Variants in C10orf67 observed in about 807,000 individuals in gnomAD.
The protein encoded by C10orf67 is uncharacterized protein C10orf67, mitochondrial.
In C10orf67, 60 loss-of-function variants were observed where a neutral mutation model predicts 35.6. The observed-to-expected ratio is 1.68, with a 90% confidence interval of 1.37 to 2.09. The LOEUF (loss-of-function observed/expected upper bound fraction) is 2.09. Ranked by LOEUF, C10orf67 falls within the 30% of genes most tolerant of loss-of-function variation. The probability of loss-of-function intolerance (pLI) is 0.00; values close to 1 mark genes in which losing one functional copy is unlikely to be tolerated. For synonymous variants in C10orf67, 167 were observed against 115.8 expected, an observed-to-expected ratio of 1.44 and a Z score of -2.84; for missense variants, 474 against 330.2, an observed-to-expected ratio of 1.44 and a Z score of -3.38.
chr10:23,230,413 AAAG>A (rs1380365196), intron 13 of C10orf67, among the ~76,000 whole-genome samples: 1 of 152,164 alleles, frequency 6.6e-6, no homozygotes. Flanking sequence ...AACTCTTTTT[AAAG>A]AAGGCAGAAA....
intron 2 of C10orf67, among the ~76,000 whole-genome samples, chr10:23,323,804 T>C (rs1845051505): frequency 6.9e-6 from 1 of 145,922 alleles, no homozygotes; most frequent in African/African-American, 2.5e-5. Context: ...CCCAGCCACT[T>C]GGGAGCTTGA....
chr10:23,295,112 T>G (rs1234470548), intron 5 of C10orf67, among the ~76,000 whole-genome samples: 1 of 152,180 alleles, frequency 6.6e-6, no homozygotes. Flanking sequence ...GAGAAATCCA[T>G]ACACCCCGTT....
At chr10:23,238,020 T>C (rs1842091825) in intron 13 of C10orf67, among the ~76,000 whole-genome samples, 1 of 152,254 alleles carries the variant, frequency 6.6e-6, no homozygotes, top group Non-Finnish European at 1.5e-5. Context: ...TTAATGCCTA[T>C]CTTTTTCACA....
intron 10 of C10orf67, among the ~76,000 whole-genome samples, chr10:23,253,453 T>C (rs1176360405): frequency 6.6e-6 from 1 of 152,060 alleles, no homozygotes; most frequent in Non-Finnish European, 1.5e-5. Context: ...TTAACAGTAG[T>C]CCAAGGAAAT....
chr10:23,317,641 G>C (rs1844780308), intron 4 of C10orf67: 1 of 152,150 alleles, frequency 6.6e-6, no homozygotes, highest in Non-Finnish European at 1.5e-5. Flanking sequence ...TTGCATAACT[G>C]TTTACATAGA....
intron 4 of C10orf67, among the ~76,000 whole-genome samples, chr10:23,306,894 G>T (rs1844305610): frequency 6.6e-6 from 1 of 152,150 alleles, no homozygotes; most frequent in Non-Finnish European, 1.5e-5. Flanking sequence ...CTGGAAAAAG[G>T]TAATAATAGT....
In C10orf67 at chr10:23,300,570, G is replaced by T. The variant is rs146616221; in HGVS notation, c.702+2734C>A. Reference sequence around the variant, plus strand: ...CTTTAAGATCAGTTGGACTTCAACAGAGTCAGGTGATAGAGAGGTATGCTT... The same window carrying T: ...CTTTAAGATCAGTTGGACTTCAACATAGTCAGGTGATAGAGAGGTATGCTT... On this transcript the variant is annotated intron_variant, in intron 5 of 15. Coordinates refer to ENST00000636213, the MANE Select transcript of C10orf67 (RefSeq NM_001371909.1). Among the ~76,000 whole-genome samples, 242 of 152,318 alleles carry T rather than the reference G, an allele frequency of 1.6e-3. 1 individual carries two copies. Among genetic ancestry groups the T allele is most frequent in the Non-Finnish European group, 2.1e-3 (146 of 68,024 alleles).
At chr10:23,235,066 A>T (rs994637477) in intron 13 of C10orf67, among the ~76,000 whole-genome samples, 1 of 151,692 alleles carries the variant, frequency 6.6e-6, no homozygotes. Flanking sequence ...AAGGATTTAC[A>T]TTACCTGATT....
At position 23,284,544 on chromosome 10, in the gene C10orf67, T is replaced by A. The variant is rs11013366; in HGVS notation, c.910-2466A>T. ...CAAAAAAAAAAAATTAAAAAAAAAA[T>A]TTAGCCATGTGTGGTGCATGCCTGT... On this transcript the variant is annotated intron_variant, in intron 7 of 15. Transcript: ENST00000636213. Among the ~76,000 whole-genome samples the A allele has an allele frequency of 3.8e-4, 58 of 150,744 alleles. No homozygotes were observed. The East Asian group carries it at 9.3e-3, about 24-fold the overall frequency.
At chr10:23,222,995 G>T (rs776864602) in intron 15 of C10orf67, among the ~76,000 whole-genome samples, 3 of 152,092 alleles carry the variant, frequency 2.0e-5, no homozygotes, top group Non-Finnish European at 1.5e-5. Context: ...GAATTTAACA[G>T]GAGCTTCAGG....
intron 4 of C10orf67, among the ~76,000 whole-genome samples, chr10:23,308,730 A>G (rs1378357893): frequency 1.3e-5 from 2 of 152,190 alleles, no homozygotes; most frequent in African/African-American, 4.8e-5. Flanking sequence ...CGAGTGTCTC[A>G]GTGTTATCAT....
At chr10:23,268,981 C>A (rs1289907850) in intron 8 of C10orf67, among the ~76,000 whole-genome samples, 4 of 152,260 alleles carry the variant, frequency 2.6e-5, no homozygotes, top group African/African-American at 9.6e-5. Context: ...CTGTTGTTGA[C>A]CAAAATGTCA....
chr10:23,293,376 CAGCAATGAGGACACTCATTA>C (rs747285800), intron 5 of C10orf67, among the ~76,000 whole-genome samples: 65 of 152,208 alleles, frequency 4.3e-4, no homozygotes, highest in Non-Finnish European at 8.2e-4. Flanking sequence ...CAGACGCCCA[CAGCAATGAGGACACTCATTA>C]GCAAAATGAA....
chr10:23,317,500 T>C (rs1391977654), intron 4 of C10orf67: 1 of 152,028 alleles, frequency 6.6e-6, no homozygotes, highest in Non-Finnish European at 1.5e-5. Context: ...CTTAGTAGAG[T>C]GTACAGCCCT....
chr10:23,325,115 T>A (rs1845130996), intron 2 of C10orf67, among the ~76,000 whole-genome samples: 1 of 152,014 alleles, frequency 6.6e-6, no homozygotes, highest in Admixed American at 6.6e-5. Flanking sequence ...GGAGGAAGGA[T>A]CACTTGAGGC....
chr10:23,342,269 C>T (rs980761235), intron 1 of C10orf67, among the ~76,000 whole-genome samples: 2 of 151,996 alleles, frequency 1.3e-5, no homozygotes, highest in Non-Finnish European at 2.9e-5. Flanking sequence ...CTTTCCTCTT[C>T]TCCCTCCCCA....
intron 2 of C10orf67, among the ~76,000 whole-genome samples, chr10:23,327,334 T>C (rs1845240002): frequency 6.6e-6 from 1 of 152,158 alleles, no homozygotes; most frequent in Non-Finnish European, 1.5e-5. Context: ...TTTTCAAAAC[T>C]ATATACAATT....
At chr10:23,335,380 A>G (rs1845641148) in intron 1 of C10orf67, among the ~76,000 whole-genome samples, 1 of 152,176 alleles carries the variant, frequency 6.6e-6, no homozygotes, top group Non-Finnish European at 1.5e-5. Context: ...CATTAGATAA[A>G]TTACTAAACC....
chr10:23,229,234 C>G (rs1405551641), intron 13 of C10orf67, among the ~76,000 whole-genome samples: 1 of 151,912 alleles, frequency 6.6e-6, no homozygotes, highest in Non-Finnish European at 1.5e-5. Context: ...GACATATACA[C>G]CATGGAATAC....
Sources: allele counts gnomAD v4.1 joint callset (sites outside exome capture counted in the v4.1 genomes callset), GRCh38; gene constraint gnomAD v4.1.1; transcripts MANE v1.5; gene names NCBI Gene and HGNC (gene_info 2026-07-23, HGNC 2026-07-21).